The following PDCD6IP variants were observed in gnomAD, a reference collection of about 807,000 sequenced individuals.
PDCD6IP encodes programmed cell death 6-interacting protein.
PDCD6IP carries 43 observed loss-of-function variants against 103.7 expected under a neutral mutation model. The observed-to-expected ratio is 0.41, with a 90% CI of 0.32 to 0.53. PDCD6IP has a LOEUF of 0.53. Among genes scored for constraint, PDCD6IP ranks in the 20% least tolerant of loss-of-function variants. The probability of loss-of-function intolerance (pLI) is 0.16; values close to 1 mark genes in which losing one functional copy is unlikely to be tolerated. For synonymous variants in PDCD6IP, 354 were observed against 378.7 expected (o/e 0.93, Z 0.76); for missense variants, 871 against 1,036.7 (o/e 0.84, Z 2.20).
chr3:33,863,220 A>G (rs1381131143), intron 15 of PDCD6IP, among the ~76,000 whole-genome samples: 1 of 152,232 alleles, frequency 6.6e-6, no homozygotes. Flanking sequence ...AATACAATGC[A>G]TAATAATCAA....
At chr3:33,816,208 T>C (rs578240026) in intron 3 of PDCD6IP, among the ~76,000 whole-genome samples, 2 of 152,222 alleles carry the variant, frequency 1.3e-5, no homozygotes, top group East Asian at 3.9e-4. Flanking sequence ...TTAGTATCTT[T>C]GGAAATATCT....
At chr3:33,819,275 T>C (rs1427019011) in intron 3 of PDCD6IP, among the ~76,000 whole-genome samples, 2 of 152,142 alleles carry the variant, frequency 1.3e-5, no homozygotes, top group Admixed American at 1.3e-4. Flanking sequence ...AAGTTTTTAA[T>C]TTTTAGGAGC....
intron 15 of PDCD6IP, among the ~76,000 whole-genome samples, chr3:33,859,924 T>A (rs1340899422): frequency 6.6e-6 from 1 of 152,170 alleles, no homozygotes; most frequent in Non-Finnish European, 1.5e-5. Context: ...AGAAACAAAG[T>A]GACCAGGGCT....
chr3:33,819,744 G>C (rs115953588), intron 3 of PDCD6IP, among the ~76,000 whole-genome samples: 2 of 152,218 alleles, frequency 1.3e-5, no homozygotes, highest in Non-Finnish European at 2.9e-5. Flanking sequence ...ATTTTGCCTA[G>C]TGGTCAATGC....
At chr3:33,808,881 C>G (rs1696656148) in intron 1 of PDCD6IP, among the ~76,000 whole-genome samples, 1 of 152,184 alleles carries the variant, frequency 6.6e-6, no homozygotes, top group African/African-American at 2.4e-5. Context: ...TTCTCCCTTG[C>G]TCACTCTATG....
chr3:33,824,138 A>G (rs1031052288), intron 4 of PDCD6IP, among the ~76,000 whole-genome samples: 2 of 152,222 alleles, frequency 1.3e-5, no homozygotes, highest in African/African-American at 4.8e-5. Flanking sequence ...TCAGTTGTTC[A>G]TTCCTAGCAG....
chr3:33,852,853 A>G, intron 13 of PDCD6IP, 117 bp downstream of exon 13: 25 of 1,239,030 alleles, frequency 2.0e-5, no homozygotes, highest in Non-Finnish European at 2.6e-5. Context: ...AGTTAAGAGT[A>G]GAACTTAATA....
intron 11 of PDCD6IP, among the ~76,000 whole-genome samples, chr3:33,844,702 A>G (rs1697553755): frequency 6.6e-6 from 1 of 151,952 alleles, no homozygotes; most frequent in Admixed American, 6.6e-5. Context: ...GCTTGTCTTG[A>G]ACTCCTGGGC....
intron 12 of PDCD6IP, 109 bp from the exon 13 acceptor site, chr3:33,852,379 A>G: frequency 7.0e-7 from 1 of 1,425,228 alleles, no homozygotes; most frequent in Non-Finnish European, 9.2e-7. Flanking sequence ...CTCTCTGAGA[A>G]ATCATCTCTC....
At chr3:33,836,491 T>C (rs1457385313) in intron 8 of PDCD6IP, among the ~76,000 whole-genome samples, 1 of 152,198 alleles carries the variant, frequency 6.6e-6, no homozygotes, top group African/African-American at 2.4e-5. Context: ...GACTTGAAAC[T>C]GTGTGTTTGA....
At chr3:33,852,963 G>A (rs1697752357) in intron 13 of PDCD6IP, among the ~76,000 whole-genome samples, 3 of 140,574 alleles carry the variant, frequency 2.1e-5, no homozygotes, top group African/African-American at 8.0e-5. Flanking sequence ...TCTCTCTGTC[G>A]CCCAGGCTGG....
At chr3:33,833,251 G>T (rs940778110) in intron 7 of PDCD6IP, among the ~76,000 whole-genome samples, 2 of 151,998 alleles carry the variant, frequency 1.3e-5, no homozygotes, top group African/African-American at 2.4e-5. Flanking sequence ...TCATAATCCA[G>T]TATTATCCAC....
intron 1 of PDCD6IP, among the ~76,000 whole-genome samples, chr3:33,803,498 T>G (rs1183075298): frequency 6.6e-6 from 1 of 152,214 alleles, no homozygotes; most frequent in Non-Finnish European, 1.5e-5. Context: ...CTTACTAATT[T>G]GTAGGAGTTG....
chr3:33,812,781 C>T (rs1343278427), intron 2 of PDCD6IP, among the ~76,000 whole-genome samples: 1 of 152,014 alleles, frequency 6.6e-6, no homozygotes, highest in East Asian at 1.9e-4. Flanking sequence ...GTGTAGGTGG[C>T]TGGAGGCAGG....
In PDCD6IP at chr3:33,866,620, A is replaced by G. The variant is rs1698072106; in HGVS notation, c.*95A>G. ...TAAACTCTACGCTCTGGTTAATGTA[A>G]TGTACTCTCCTGGACTGAATGCAGT... On this transcript the variant is annotated 3_prime_UTR_variant, in exon 18 of 18. Coordinates refer to ENST00000307296, the MANE Select transcript of PDCD6IP (RefSeq NM_013374.6). 2 of 1,047,974 alleles carry G rather than the reference A, an allele frequency of 1.9e-6. No homozygotes were observed. Among genetic ancestry groups the G allele is most frequent in the East Asian group, 2.5e-5 (1 of 39,376 alleles). The allele number at this position is 1,047,974 out of a possible 1,614,324, so 64.9% of individuals were successfully genotyped here. A position where few individuals can be genotyped will look rare whatever the true frequency, so the allele number is the denominator to read the frequency against.
At chr3:33,830,003 A>T (rs1697212637) in intron 7 of PDCD6IP, among the ~76,000 whole-genome samples, 1 of 152,196 alleles carries the variant, frequency 6.6e-6, no homozygotes, top group Admixed American at 6.5e-5. Flanking sequence ...CATGATAATG[A>T]CATTAATCTA....
chr3:33,812,183 C>A, intron 2 of PDCD6IP, 57 bp downstream of exon 2: 2 of 1,556,438 alleles, frequency 1.3e-6, no homozygotes, highest in African/African-American at 1.4e-5. Flanking sequence ...TTCCTTCTGC[C>A]AATATCTTCA....
intron 6 of PDCD6IP, chr3:33,827,703 C>G (rs1230769136): frequency 2.0e-5 from 3 of 152,144 alleles, no homozygotes; most frequent in Non-Finnish European, 4.4e-5. Context: ...AGAAAGTCAC[C>G]TACAAAGACT....
chr3:33,808,309 C>A (rs1049249082), intron 1 of PDCD6IP, among the ~76,000 whole-genome samples: 1 of 152,156 alleles, frequency 6.6e-6, no homozygotes, highest in Admixed American at 6.5e-5. Context: ...GATTTCACGC[C>A]ATGGCCCATC....
Sources: gnomAD v4.1 joint callset for allele counts (sites outside exome capture counted in the v4.1 genomes callset) on GRCh38, gnomAD v4.1.1 for gene constraint, MANE v1.5 for transcripts, NCBI Gene and HGNC (gene_info 2026-07-23, HGNC 2026-07-21) for gene names.